The following ELF2 variants were observed in gnomAD, a reference collection of about 807,000 sequenced individuals.
ELF2 encodes the protein E74 like ETS transcription factor 2, also known as ETS-related transcription factor Elf-2.
Under a neutral mutation model 54.8 loss-of-function variants are expected in ELF2, and 11 were observed. That is an observed-to-expected ratio of 0.20 (90% CI 0.13 to 0.33). The LOEUF (loss-of-function observed/expected upper bound fraction) is 0.33. ELF2 is among the 10% of genes least tolerant of loss of function. The pLI, the probability that ELF2 is intolerant of heterozygous loss-of-function variation, is 1.00. For synonymous variants in ELF2, 203 were observed against 245.1 expected (o/e 0.83, Z 1.61); for missense variants, 513 against 703.0 (o/e 0.73, Z 3.06).
At chr4:139,132,862 AT>A (rs1325129366) in intron 3 of ELF2, among the ~76,000 whole-genome samples, 80 of 141,372 alleles carry the variant, frequency 5.7e-4, no homozygotes, top group Middle Eastern at 7.2e-3. Flanking sequence ...ATATATATAT[AT>A]ATATATATAT....
At chr4:139,142,473 A>T (rs966825091) in intron 1 of ELF2, among the ~76,000 whole-genome samples, 1 of 152,194 alleles carries the variant, frequency 6.6e-6, no homozygotes, top group Admixed American at 6.5e-5. Context: ...AAGGACTTTG[A>T]CTTCAGAGAG....
At chr4:139,151,035 A>AAAAAAGAAAG (rs201472609) in intron 1 of ELF2, among the ~76,000 whole-genome samples, 11 of 42,578 alleles carry the variant, frequency 2.6e-4, no homozygotes, top group African/African-American at 3.5e-4. Context: ...AAAAAAAAAA[A>AAAAAAGAAAG]GAAAGAAAGA....
At chr4:139,080,120 C>G (rs1438391739) in intron 4 of ELF2, among the ~76,000 whole-genome samples, 1 of 152,192 alleles carries the variant, frequency 6.6e-6, no homozygotes, top group African/African-American at 2.4e-5. Flanking sequence ...ATTCTGCTGC[C>G]TGCCCTTCTC....
At chr4:139,115,436 C>A in intron 4 of ELF2, 9 of 983,100 alleles carry the variant, frequency 9.2e-6, no homozygotes, top group Non-Finnish European at 1.1e-5. Context: ...CTCCGGGACG[C>A]CCCCGGCTGG....
intron 3 of ELF2, among the ~76,000 whole-genome samples, chr4:139,132,866 AT>A (rs1560848546): frequency 0.013 from 1,775 of 141,534 alleles, 19 homozygotes; most frequent in Non-Finnish European, 0.018. Context: ...ATATATATAT[AT>A]ATATATAAAA....
intron 3 of ELF2, among the ~76,000 whole-genome samples, chr4:139,135,894 G>A (rs1055781670): frequency 1.1e-4 from 17 of 152,286 alleles, no homozygotes; most frequent in African/African-American, 3.9e-4. Context: ...TCTCCTGGCC[G>A]TGAACACTGA....
intron 1 of ELF2, among the ~76,000 whole-genome samples, chr4:139,169,264 C>T (rs1341236978): frequency 6.6e-6 from 1 of 150,686 alleles, no homozygotes; most frequent in Non-Finnish European, 1.5e-5. Context: ...AGGAGAATCA[C>T]TTGAACCCGG....
At chr4:139,155,860 C>G (rs1740471731) in intron 1 of ELF2, among the ~76,000 whole-genome samples, 1 of 152,140 alleles carries the variant, frequency 6.6e-6, no homozygotes, top group African/African-American at 2.4e-5. Flanking sequence ...TGGCAACAAG[C>G]ACTCATATCA....
chr4:139,072,691 G>A (rs1729687540), intron 5 of ELF2, among the ~76,000 whole-genome samples: 1 of 152,054 alleles, frequency 6.6e-6, no homozygotes, highest in African/African-American at 2.4e-5. Context: ...CTTCTAATGT[G>A]CACAAATAAC....
intron 1 of ELF2, among the ~76,000 whole-genome samples, chr4:139,153,726 A>G (rs528442164): frequency 6.6e-6 from 1 of 152,372 alleles, no homozygotes; most frequent in South Asian, 2.1e-4. Flanking sequence ...TTATCTTCAC[A>G]GGTACAGGAC....
chr4:139,067,585 A>G (rs770307626), intron 7 of ELF2, 99 bp downstream of exon 7: 5 of 1,219,952 alleles, frequency 4.1e-6, no homozygotes, highest in Admixed American at 1.8e-5. Flanking sequence ...CAGTATTCTC[A>G]TATGTGCATG....
chr4:139,086,292 C>T (rs979997914), intron 4 of ELF2, among the ~76,000 whole-genome samples: 1 of 151,910 alleles, frequency 6.6e-6, no homozygotes, highest in African/African-American at 2.4e-5. Context: ...AGGGAAAAAA[C>T]AGGGTCAAGA....
At chr4:139,169,626 G>A (rs956742286) in intron 1 of ELF2, among the ~76,000 whole-genome samples, 1 of 152,158 alleles carries the variant, frequency 6.6e-6, no homozygotes, top group Admixed American at 6.5e-5. Flanking sequence ...GGGAGGCCCA[G>A]GTGGGAGGAT....
At chr4:139,108,135 T>C (rs568293877) in intron 4 of ELF2, among the ~76,000 whole-genome samples, 1 of 152,244 alleles carries the variant, frequency 6.6e-6, no homozygotes, top group East Asian at 1.9e-4. Flanking sequence ...AAAAAAGAAA[T>C]GACAAAGTAC....
At chr4:139,092,399 T>TAACA (rs1338709832) in intron 4 of ELF2, among the ~76,000 whole-genome samples, 1,238 of 94,886 alleles carry the variant, frequency 0.013, 47 homozygotes, top group African/African-American at 0.03. Flanking sequence ...TAACATAACA[T>TAACA]AACATAACAT....
At position 139,125,301 on chromosome 4, in the gene ELF2, G is replaced by C. The variant is rs551522618; in HGVS notation, c.101C>G (p.Ala34Gly). The C allele has an allele frequency of 6.2e-7, 1 of 1,611,450 alleles. No homozygotes were observed. Among genetic ancestry groups the C allele is most frequent in the African/African-American group, 1.3e-5 (1 of 74,858 alleles). Residue 34 changes from alanine to glycine, a missense_variant, in exon 4 of 10, where the codon GCA becomes GGA. By Grantham distance (60) the Ala-to-Gly change is moderately conservative. Coordinates refer to ENST00000686138, the MANE Select transcript of ELF2 (RefSeq NM_001331036.3). ...EESEKVSEYP[A>G]VIVEPVPSAR... ...ACTTGGAACTGGCTCCACAATCACTGCTGGATATTCAGAAACCTTTTCACT... is the reference window on the plus strand; with the variant it reads ...ACTTGGAACTGGCTCCACAATCACTCCTGGATATTCAGAAACCTTTTCACT...
In ELF2 at chr4:139,058,443, G is replaced by C. The variant is rs1727339518; in HGVS notation, c.*540C>G. 6.8e-6 allele frequency: 1 copy of C among 146,120 alleles called. No homozygotes were observed. 9.1% of individuals were successfully genotyped at this position (146,120 alleles called of 1,614,324 possible). On this transcript the variant is annotated 3_prime_UTR_variant, in exon 10 of 10. Coordinates refer to ENST00000686138, the MANE Select transcript of ELF2 (RefSeq NM_001331036.3). The stretch of plus-strand genomic sequence containing the variant: ...TATATATATATATAAAATCGCACTA[G>C]ATCTTTTTTTGCTATCCTCTTTCTG...
At chr4:139,073,721 C>T (rs1360724979) in intron 4 of ELF2, 154 bp from the exon 5 acceptor site, 2 of 385,928 alleles carry the variant, frequency 5.2e-6, no homozygotes, top group East Asian at 3.9e-5. Context: ...GATATCTATT[C>T]GTCTATATAA....
intron 4 of ELF2, among the ~76,000 whole-genome samples, chr4:139,086,815 G>C (rs1186291839): frequency 6.6e-6 from 1 of 152,054 alleles, no homozygotes; most frequent in Non-Finnish European, 1.5e-5. Flanking sequence ...ACCACCCAAG[G>C]ATGTTAAATT....
Sources: gnomAD v4.1 joint callset for allele counts (sites outside exome capture counted in the v4.1 genomes callset) on GRCh38, gnomAD v4.1.1 for gene constraint, MANE v1.5 for transcripts, NCBI Gene and HGNC (gene_info 2026-07-23, HGNC 2026-07-21) for gene names.